The following DYNLT2 variants were observed in gnomAD, a reference collection of about 807,000 sequenced individuals.
The protein encoded by DYNLT2 is dynein light chain Tctex-type 2, also known as dynein light chain Tctex-type protein 2.
Under a neutral mutation model 24.3 loss-of-function variants are expected in DYNLT2, and 24 were observed. The ratio of observed to expected loss-of-function variants is 0.99; its 90% CI spans 0.71 to 1.39. The LOEUF is 1.39. Ranked by LOEUF, DYNLT2 falls within the 40% of genes most tolerant of loss-of-function variation. The probability of loss-of-function intolerance (pLI) is 0.00; values close to 1 mark genes in which losing one functional copy is unlikely to be tolerated. For missense variants in DYNLT2, 246 were observed against 234.5 expected (o/e 1.05, Z -0.32); for synonymous variants, 85 against 85.4 (o/e 1.00, Z 0.03).
chr6:169,747,549 TCTG>T (rs1789835130), intron 1 of DYNLT2, among the ~76,000 whole-genome samples: 1 of 152,202 alleles, frequency 6.6e-6, no homozygotes, highest in Non-Finnish European at 1.5e-5. Context: ...CACTGTTGAA[TCTG>T]CTGTTAATAC....
At chr6:169,733,136 T>A in the DYNLT2 span, among the ~76,000 whole-genome samples, 1 of 152,062 alleles carries the variant, frequency 6.6e-6, no homozygotes. Flanking sequence ...TGGGGTTGTT[T>A]TTTTTTTCTT....
In DYNLT2 at chr6:169,747,531, T is replaced by G. The variant is rs556914829; in HGVS notation, c.121-3257A>C. Reference sequence around the variant, plus strand: ...CAATTTCCACATCTCTAAATGTCCTTTCTTCTGCACTGTTGAATCTGCTGT... The same window carrying G: ...CAATTTCCACATCTCTAAATGTCCTGTCTTCTGCACTGTTGAATCTGCTGT... On this transcript the variant is annotated intron_variant, in intron 1 of 3. Transcript: ENST00000366774. Among the ~76,000 whole-genome samples, 20 of 152,304 alleles carry G rather than the reference T, an allele frequency of 1.3e-4. No homozygotes were observed. In the East Asian group the frequency reaches 3.3e-3, roughly 25 times the overall value.
the DYNLT2 span, among the ~76,000 whole-genome samples, chr6:169,730,653 G>A: frequency 1.3e-5 from 2 of 152,154 alleles, no homozygotes; most frequent in Admixed American, 1.3e-4. Context: ...CCAGCACTTT[G>A]GGAGGCCGAG....
chr6:169,746,815 T>C (rs1789812121), intron 1 of DYNLT2, among the ~76,000 whole-genome samples: 1 of 151,966 alleles, frequency 6.6e-6, no homozygotes, highest in Admixed American at 6.6e-5. Context: ...CTAGGTATTT[T>C]AGTGAACCTG....
the DYNLT2 span, among the ~76,000 whole-genome samples, chr6:169,729,296 T>C: frequency 6.6e-6 from 1 of 152,236 alleles, no homozygotes; most frequent in African/African-American, 2.4e-5. Flanking sequence ...ATGGTGCCTT[T>C]TGTGTAGGCC....
chr6:169,748,573 C>G (rs1789864874), intron 1 of DYNLT2, among the ~76,000 whole-genome samples: 1 of 152,184 alleles, frequency 6.6e-6, no homozygotes, highest in Non-Finnish European at 1.5e-5. Context: ...TGTCAGGCTT[C>G]TGTGTCTCTT....
chr6:169,747,498 A>G (rs9396999), intron 1 of DYNLT2, among the ~76,000 whole-genome samples: 2 of 151,964 alleles, frequency 1.3e-5, no homozygotes, highest in East Asian at 3.9e-4. Flanking sequence ...TTTTTTCAGC[A>G]TCCCCCCCAA....
chr6:169,727,099 GAGA>G, the DYNLT2 span, among the ~76,000 whole-genome samples: 3 of 152,242 alleles, frequency 2.0e-5, no homozygotes, highest in Admixed American at 6.5e-5. Flanking sequence ...TAAGGTGGCA[GAGA>G]AGAATACATT....
chr6:169,725,131 G>C, the DYNLT2 span: 1 of 398,700 alleles, frequency 2.5e-6, no homozygotes, highest in Non-Finnish European at 4.4e-6. Context: ...GCTGCACCAG[G>C]GCACTTGTAG....
chr6:169,725,377 C>T, the DYNLT2 span: 2 of 398,250 alleles, frequency 5.0e-6, no homozygotes, highest in African/African-American at 4.1e-5. Flanking sequence ...GTCACATTGA[C>T]AAACACCGAC....
At chr6:169,745,687 T>C (rs1241507810) in intron 1 of DYNLT2, among the ~76,000 whole-genome samples, 1 of 152,230 alleles carries the variant, frequency 6.6e-6, no homozygotes, top group South Asian at 2.1e-4. Flanking sequence ...GTATTTCGTT[T>C]AGAATTTTTG....
In DYNLT2 at chr6:169,751,506, G is replaced by A. The variant is rs767254201; in HGVS notation, c.-48C>T. On this transcript the variant is annotated 5_prime_UTR_variant, in exon 1 of 4. Coordinates refer to ENST00000366774, the MANE Select transcript of DYNLT2 (RefSeq NM_174910.3). ...CCACCGCCTCCCCTTCACCGCCGGC[G>A]GTCAAACGCCCTAGCCAGTCCCGCG... 2 of 1,610,966 alleles carry A rather than the reference G, an allele frequency of 1.2e-6. No homozygotes were observed. The highest frequency in any genetic ancestry group is 1.1e-5 in the South Asian group (1 of 90,894).
intron 3 of DYNLT2, among the ~76,000 whole-genome samples, chr6:169,740,877 C>T (rs1416224484): frequency 1.3e-5 from 2 of 150,876 alleles, no homozygotes; most frequent in Middle Eastern, 3.4e-3. Flanking sequence ...GGCGTGATCT[C>T]GGTTCACTGC....
chr6:169,742,611 TTTTC>T (rs1379305169), intron 3 of DYNLT2, among the ~76,000 whole-genome samples: 5 of 152,152 alleles, frequency 3.3e-5, no homozygotes, highest in African/African-American at 4.8e-5. Flanking sequence ...AGGTTTGTAC[TTTTC>T]TTTCTTTTTT....
At chr6:169,731,723 GAT>G in the DYNLT2 span, among the ~76,000 whole-genome samples, 1 of 152,182 alleles carries the variant, frequency 6.6e-6, no homozygotes, top group African/African-American at 2.4e-5. Flanking sequence ...CTAGGCTACA[GAT>G]ATAACAAATG....
Position 169,751,548 on chromosome 6 carries a change from A to G in DYNLT2, c.-90T>C. 6.2e-7 allele frequency: 1 copy of G among 1,610,226 alleles called. No individual in the cohort carries two copies. Among genetic ancestry groups the G allele is most frequent in the Non-Finnish European group, 8.5e-7 (1 of 1,178,754 alleles). On this transcript the variant is annotated 5_prime_UTR_variant, in exon 1 of 4. Coordinates refer to ENST00000366774, the MANE Select transcript of DYNLT2 (RefSeq NM_174910.3). ...AGTCCCGCGAGGGCGGAAGTCTCCC[A>G]CCTGCGCCTCGTACGGTAGGAAGTG...
At chr6:169,745,293 G>A (rs9396998) in intron 1 of DYNLT2, among the ~76,000 whole-genome samples, 25,436 of 151,794 alleles carry the variant, frequency 0.17, 3,305 homozygotes, top group East Asian at 0.72. Flanking sequence ...TAGTAGAGAC[G>A]GGGTTTCACC....
chr6:169,751,455 C>G lies in DYNLT2; in HGVS notation c.4G>C (p.Glu2Gln), dbSNP rs1274243261. 1.2e-6 allele frequency: 2 copies of G among 1,613,816 alleles called. No homozygotes were observed. Among genetic ancestry groups the G allele is most frequent in the South Asian group, 1.1e-5 (1 of 91,068 alleles). Residue 2 changes from glutamate (E) to glutamine (Q), a missense_variant, in exon 1 of 4, where the codon GAG (glutamate) becomes CAG (glutamine). Transcript: ENST00000366774. M[E>Q]KRGRGVKSSP... Reference sequence around the variant, plus strand: ...GACTTCACGCCTCGGCCTCGCTTCTCCATCTCGCTCTGTTCTCCAAGACGC... The same window carrying G: ...GACTTCACGCCTCGGCCTCGCTTCTGCATCTCGCTCTGTTCTCCAAGACGC...
the DYNLT2 span, chr6:169,725,780 A>T: frequency 6.5e-6 from 1 of 153,194 alleles, no homozygotes; most frequent in Non-Finnish European, 1.5e-5. Flanking sequence ...CTCACTAATA[A>T]TTGCCTGATA....
Sources: allele counts gnomAD v4.1 joint callset (sites outside exome capture counted in the v4.1 genomes callset), GRCh38; gene constraint gnomAD v4.1.1; transcripts MANE v1.5; gene names NCBI Gene and HGNC (gene_info 2026-07-23, HGNC 2026-07-21).